HK1: variants seen among roughly 807,000 people sequenced by gnomAD.
HK1 encodes hexokinase-1.
Under a neutral mutation model 91.6 loss-of-function variants are expected in HK1, and 28 were observed. The observed-to-expected ratio is 0.31, with a 90% CI of 0.23 to 0.42. The LOEUF is 0.42. HK1 is among the 10% of genes least tolerant of loss of function. The pLI is 1.00. For missense variants in HK1, 770 were observed against 1,219.8 expected (o/e 0.63, Z 5.49); for synonymous variants, 430 against 468.1 (o/e 0.92, Z 1.05).
chr10:69,300,394 A>G (rs1845799716), intron 4 of HK1: 1 of 579,848 alleles, frequency 1.7e-6, no homozygotes, highest in Non-Finnish European at 3.0e-6. Context: ...CTTTTTTTTC[A>G]TGAGGCATTT....
At chr10:69,375,314 T>C (rs1564552131) in intron 7 of HK1, among the ~76,000 whole-genome samples, 2 of 152,214 alleles carry the variant, frequency 1.3e-5, no homozygotes. Context: ...AGGAAAGCAG[T>C]CAGTATCTCA....
chr10:69,325,526 ATTTT>A (rs766090878), intron 1 of HK1, among the ~76,000 whole-genome samples: 1 of 125,910 alleles, frequency 7.9e-6, no homozygotes. Flanking sequence ...CCTGGCCTGC[ATTTT>A]TTTTTTTTTT....
At position 69,368,531 on chromosome 10, in the gene HK1, T is replaced by G; in HGVS notation, c.496-5T>G. 1 of 1,613,794 alleles carries G rather than the reference T, an allele frequency of 6.2e-7. No individual in the cohort carries two copies. The highest frequency in any genetic ancestry group is 8.5e-7 in the Non-Finnish European group (1 of 1,179,682). Reference sequence around the variant, plus strand: ...TCATCCAGCCCCATCCATTCTTCTTTGCAGGCCATCCTGATCACCTGGACA... The same window carrying G: ...TCATCCAGCCCCATCCATTCTTCTTGGCAGGCCATCCTGATCACCTGGACA... On this transcript the variant is annotated splice_polypyrimidine_tract_variant and splice_region_variant and intron_variant, in intron 4 of 17. Coordinates refer to ENST00000359426, the MANE Select transcript of HK1 (RefSeq NM_000188.3).
chr10:69,291,418 A>G (rs1324147326), intron 3 of HK1, among the ~76,000 whole-genome samples: 1 of 152,142 alleles, frequency 6.6e-6, no homozygotes, highest in Non-Finnish European at 1.5e-5. Context: ...GCCTCTGTCA[A>G]TCCATGATCT....
At chr10:69,273,018 T>C (rs1162930914) in intron 1 of HK1, among the ~76,000 whole-genome samples, 13 of 151,342 alleles carry the variant, frequency 8.6e-5, no homozygotes, top group Non-Finnish European at 1.6e-4. Flanking sequence ...TAATTCCTTT[T>C]CTTTCTTTTT....
intron 7 of HK1, among the ~76,000 whole-genome samples, chr10:69,372,287 A>G (rs986930892): frequency 6.6e-6 from 1 of 152,244 alleles, no homozygotes; most frequent in African/African-American, 2.4e-5. Flanking sequence ...AGTTTACTGC[A>G]TACTGTAGGC....
chr10:69,333,390 C>G (rs1237435531), intron 1 of HK1, among the ~76,000 whole-genome samples: 1 of 152,224 alleles, frequency 6.6e-6, no homozygotes, highest in African/African-American at 2.4e-5. Flanking sequence ...GCTAAGCCAT[C>G]CACCAGGAGG....
chr10:69,318,587 G>A (rs140467647), upstream of HK1, among the ~76,000 whole-genome samples: 1,028 of 152,312 alleles, frequency 6.7e-3, 5 homozygotes, highest in Non-Finnish European at 0.012. Context: ...TGGGGGACGT[G>A]CAGGATGATG....
rs184518548 is a variant in HK1 at position 69,275,095 on chromosome 10, A to G, written c.-391+4987A>G. Among the ~76,000 whole-genome samples, 171 of 152,156 alleles carry G rather than the reference A, an allele frequency of 1.1e-3. 1 individual carries two copies. The highest frequency in any genetic ancestry group is 6.8e-3 in the Middle Eastern group (2 of 294). On this transcript the variant is annotated intron_variant, in intron 1 of 21. Transcript: ENST00000360289. Reference sequence around the variant, plus strand: ...TCCATATATATTTTTTCTAATTGCTATAGTGGACACAATGGTCTACTGCTC... The same window carrying G: ...TCCATATATATTTTTTCTAATTGCTGTAGTGGACACAATGGTCTACTGCTC...
intron 7 of HK1, among the ~76,000 whole-genome samples, chr10:69,375,335 A>G (rs1839037827): frequency 6.6e-6 from 1 of 152,178 alleles, no homozygotes; most frequent in Non-Finnish European, 1.5e-5. Context: ...TTGCACAGGT[A>G]GGGAGGCCAG....
intron 17 of HK1, among the ~76,000 whole-genome samples, chr10:69,399,444 G>A (rs757340670): frequency 3.3e-5 from 5 of 152,256 alleles, no homozygotes; most frequent in South Asian, 4.1e-4. Context: ...CCTGGGAGGT[G>A]GAGGTTGCAG....
chr10:69,340,798 C>T (rs1289971620), intron 1 of HK1, among the ~76,000 whole-genome samples: 9 of 152,164 alleles, frequency 5.9e-5, no homozygotes, highest in Non-Finnish European at 1.2e-4. Context: ...TCCCAAGGCT[C>T]GCTGTGCTGT....
upstream of HK1, chr10:69,318,843 G>A: frequency 6.8e-7 from 1 of 1,480,336 alleles, no homozygotes; most frequent in Non-Finnish European, 9.0e-7. Flanking sequence ...CGGGGGAGGA[G>A]GAGGAGGAGG....
At chr10:69,293,988 A>T (rs1255635357) in intron 3 of HK1, among the ~76,000 whole-genome samples, 2 of 150,356 alleles carry the variant, frequency 1.3e-5, no homozygotes, top group African/African-American at 4.9e-5. Context: ...CAGCCTCCCG[A>T]GTAGCTGGGA....
chr10:69,395,641 T>G (rs2132956534), intron 16 of HK1, among the ~76,000 whole-genome samples: 1 of 152,302 alleles, frequency 6.6e-6, no homozygotes, highest in African/African-American at 2.4e-5. Context: ...GGCATTATAT[T>G]GATTTATTTG....
intron 3 of HK1, chr10:69,288,833 C>CTGGGTGTAG (rs1350163098): frequency 1.0e-5 from 15 of 1,429,870 alleles, no homozygotes; most frequent in Non-Finnish European, 9.8e-7. Context: ...ATCGCCCAGG[C>CTGGGTGTAG]TGGAGTGTAG....
chr10:69,338,701 G>GTAAGTACT, intron 1 of HK1: 1 of 1,172,002 alleles, frequency 8.5e-7, no homozygotes, highest in Non-Finnish European at 1.1e-6. Context: ...GTGTGTGTGT[G>GTAAGTACT]TGTGTGTGTA....
chr10:69,394,978 C>T lies in HK1; in HGVS notation c.2248C>T (p.Leu750=). Residue 750 remains leucine, a synonymous_variant, in exon 16 of 18, where the codon CTG becomes TTG. Transcript: ENST00000359426. ...TGAGAAGATGATCAGTGGTATGTACCTGGGTGAAATCGTCCGCAACATCTT... is the reference window on the plus strand; with the variant it reads ...TGAGAAGATGATCAGTGGTATGTACTTGGGTGAAATCGTCCGCAACATCTT... ...RYEKMISGMY[L]GEIVRNILID... is the part of the protein sequence containing the mutation. The T allele has an allele frequency of 6.2e-7, 1 of 1,614,126 alleles. No individual in the cohort carries two copies.
chr10:69,304,869 G>C lies in HK1; in HGVS notation c.27+4008G>C, dbSNP rs369051513. On this transcript the variant is annotated intron_variant, in intron 5 of 21. Coordinates refer to the HK1 transcript ENST00000360289. ...AGCGTTCGGTTCCTTGTAGCTGTAG[G>C]ATTCACATCTTGCTTCTTCTGAGAG... 4.9e-4 allele frequency among the ~76,000 whole-genome samples: 75 copies of C among 152,270 alleles called. 1 individual carries two copies. The South Asian group carries it at 0.015, about 31-fold the overall frequency.
Sources: gnomAD v4.1 joint callset for allele counts (sites outside exome capture counted in the v4.1 genomes callset) on GRCh38, gnomAD v4.1.1 for gene constraint, MANE v1.5 for transcripts, NCBI Gene and HGNC (gene_info 2026-07-23, HGNC 2026-07-21) for gene names.